GABRB1: variants seen among roughly 807,000 people sequenced by gnomAD.
GABRB1 encodes the protein gamma-aminobutyric acid type A receptor subunit beta1, also known as gamma-aminobutyric acid receptor subunit beta-1.
In GABRB1, 17 loss-of-function variants were observed where a neutral mutation model predicts 51.6. The observed-to-expected ratio is 0.33, with a 90% CI of 0.23 to 0.49. The LOEUF is 0.49. Among genes scored for constraint, GABRB1 ranks in the 20% least tolerant of loss-of-function variants. GABRB1 has a pLI of 0.99. For missense variants in GABRB1, 410 were observed against 600.6 expected (o/e 0.68, Z 3.32); for synonymous variants, 247 against 218.9 (o/e 1.13, Z -1.14).
intron 5 of GABRB1, among the ~76,000 whole-genome samples, chr4:47,399,583 G>T (rs1207763851): frequency 1.3e-5 from 2 of 152,116 alleles, no homozygotes; most frequent in Non-Finnish European, 2.9e-5. Flanking sequence ...TTTCTAAGGT[G>T]GAGTCCCTTA....
At chr4:47,123,224 C>A (rs183097430) in intron 3 of GABRB1, among the ~76,000 whole-genome samples, 2 of 146,540 alleles carry the variant, frequency 1.4e-5, no homozygotes, top group East Asian at 3.9e-4. Context: ...GGGCTAGAGA[C>A]GAAATAAATC....
intron 1 of GABRB1, among the ~76,000 whole-genome samples, chr4:47,019,625 C>CTTTCTTTCTTTCTT (rs1553909518): frequency 2.2e-5 from 2 of 91,062 alleles, no homozygotes; most frequent in Non-Finnish European, 4.2e-5. Context: ...TTCTTTCTCT[C>CTTTCTTTCTTTCTT]TCTTTCTTTC....
chr4:47,261,103 G>A (rs1560302932), intron 4 of GABRB1, among the ~76,000 whole-genome samples: 1 of 152,076 alleles, frequency 6.6e-6, no homozygotes, highest in Non-Finnish European at 1.5e-5. Context: ...ATACTGAATG[G>A]GCAAAAACTG....
rs186845588 is a variant in GABRB1, at chr4:47,267,843, A to G, written c.462-52284A>G. On this transcript the variant is annotated intron_variant, in intron 4 of 8. Transcript: ENST00000295454. ...AAGGAAAATTGTTAAATAAATGGAGATGACTTTAATAGATTGGAAAAAAAA... is the reference window on the plus strand; with the variant it reads ...AAGGAAAATTGTTAAATAAATGGAGGTGACTTTAATAGATTGGAAAAAAAA... 5.3e-3 allele frequency among the ~76,000 whole-genome samples: 810 copies of G among 152,232 alleles called. 2 individuals carry two copies. Among genetic ancestry groups the G allele is most frequent in the Non-Finnish European group, 9.0e-3 (614 of 68,002 alleles).
At chr4:47,308,066 A>C (rs4499678) in intron 4 of GABRB1, among the ~76,000 whole-genome samples, 147,275 of 151,902 alleles carry the variant, frequency 0.97, 71,494 homozygotes, top group East Asian at 1. Context: ...GAGAAATAAT[A>C]CAAAATGTGG....
At chr4:47,179,761 C>G (rs990895577) in intron 4 of GABRB1, among the ~76,000 whole-genome samples, 1 of 152,060 alleles carries the variant, frequency 6.6e-6, no homozygotes, top group African/African-American at 2.4e-5. Context: ...CCTCTCCTGA[C>G]CTTCAGCATC....
intron 3 of GABRB1, among the ~76,000 whole-genome samples, chr4:47,061,675 T>C (rs925712036): frequency 2.6e-5 from 4 of 152,212 alleles, no homozygotes; most frequent in Admixed American, 1.3e-4. Context: ...GCAGAAGCTA[T>C]ATTGAAAGCA....
chr4:47,024,295 T>C (rs1725018825), intron 1 of GABRB1, among the ~76,000 whole-genome samples: 1 of 151,986 alleles, frequency 6.6e-6, no homozygotes, highest in South Asian at 2.1e-4. Context: ...CTTAAAGGCT[T>C]GCTGACTTTT....
At chr4:47,177,595 A>G (rs1434575528) in intron 4 of GABRB1, among the ~76,000 whole-genome samples, 1 of 152,082 alleles carries the variant, frequency 6.6e-6, no homozygotes, top group Non-Finnish European at 1.5e-5. Context: ...GGAACCAATG[A>G]CTTGTTACTA....
chr4:47,408,515 G>A, intron 8 of GABRB1, among the ~76,000 whole-genome samples: 1 of 152,150 alleles, frequency 6.6e-6, no homozygotes, highest in East Asian at 1.9e-4. Flanking sequence ...AAATTCAAAG[G>A]AACACATCAA....
intron 3 of GABRB1, among the ~76,000 whole-genome samples, chr4:47,039,860 G>A (rs572833549): frequency 6.6e-6 from 1 of 152,268 alleles, no homozygotes; most frequent in South Asian, 2.1e-4. Flanking sequence ...CAGACTGCAT[G>A]CTAAAAGCAA....
At chr4:47,246,807 G>T (rs1013422652) in intron 4 of GABRB1, among the ~76,000 whole-genome samples, 6 of 151,898 alleles carry the variant, frequency 4.0e-5, no homozygotes, top group Non-Finnish European at 8.8e-5. Flanking sequence ...TCATATGTTT[G>T]TTGGCCATTA....
chr4:47,059,116 A>AG (rs1325741171), intron 3 of GABRB1, among the ~76,000 whole-genome samples: 2 of 152,192 alleles, frequency 1.3e-5, no homozygotes, highest in African/African-American at 2.4e-5. Flanking sequence ...GGCAAAATTG[A>AG]GGAGGAGTGC....
At chr4:47,296,875 CA>C (rs1404793702) in intron 4 of GABRB1, among the ~76,000 whole-genome samples, 3 of 152,152 alleles carry the variant, frequency 2.0e-5, no homozygotes, top group Non-Finnish European at 4.4e-5. Flanking sequence ...CTCTCCTCAG[CA>C]AACGTAAAAG....
At chr4:47,221,315 C>G (rs1324212406) in intron 4 of GABRB1, among the ~76,000 whole-genome samples, 2 of 151,992 alleles carry the variant, frequency 1.3e-5, no homozygotes, top group African/African-American at 2.4e-5. Flanking sequence ...ATTCTGAGCA[C>G]TTTTAGGATA....
chr4:47,132,568 G>A (rs1473610525), intron 3 of GABRB1, among the ~76,000 whole-genome samples: 2 of 152,136 alleles, frequency 1.3e-5, no homozygotes, highest in Non-Finnish European at 2.9e-5. Context: ...CTCCTGAACA[G>A]TCAGTTAAAA....
At chr4:47,296,288 G>A (rs1432152202) in intron 4 of GABRB1, among the ~76,000 whole-genome samples, 1 of 152,118 alleles carries the variant, frequency 6.6e-6, no homozygotes, top group Non-Finnish European at 1.5e-5. Context: ...TGAGCTAAAT[G>A]CTCCAATTAG....
chr4:47,188,548 G>A (rs1184544149), intron 4 of GABRB1, among the ~76,000 whole-genome samples: 1 of 151,724 alleles, frequency 6.6e-6, no homozygotes, highest in Non-Finnish European at 1.5e-5. Context: ...AAAACACATT[G>A]TTACTCTTCA....
chr4:47,305,995 T>A (rs530284755), intron 4 of GABRB1, among the ~76,000 whole-genome samples: 2 of 152,122 alleles, frequency 1.3e-5, no homozygotes, highest in Non-Finnish European at 2.9e-5. Flanking sequence ...CTTACACATG[T>A]GTGTGAAAAT....
Sources: gnomAD v4.1 joint callset for allele counts (sites outside exome capture counted in the v4.1 genomes callset) on GRCh38, gnomAD v4.1.1 for gene constraint, MANE v1.5 for transcripts, NCBI Gene and HGNC (gene_info 2026-07-23, HGNC 2026-07-21) for gene names.